Variants in SSBP2 observed in about 807,000 individuals in gnomAD.
SSBP2 encodes single stranded DNA binding protein 2.
In SSBP2, 17 loss-of-function variants were observed where a neutral mutation model predicts 61.8. The observed-to-expected ratio is 0.28, with a 90% CI of 0.19 to 0.41. SSBP2 has a LOEUF of 0.41. SSBP2 is among the 10% of genes least tolerant of loss of function. The pLI, the probability that SSBP2 is intolerant of heterozygous loss-of-function variation, is 1.00. For synonymous variants in SSBP2, 139 were observed against 141.3 expected (o/e 0.98, Z 0.12); for missense variants, 310 against 458.7 (o/e 0.68, Z 2.96).
intron 3 of SSBP2, among the ~76,000 whole-genome samples, chr5:81,631,406 T>C (rs1333058642): frequency 2.6e-5 from 4 of 152,074 alleles, no homozygotes; most frequent in Non-Finnish European, 5.9e-5. Flanking sequence ...GCTTTTGTTT[T>C]TTCCTCTTAA....
chr5:81,646,775 T>G (rs1749313470), intron 2 of SSBP2, among the ~76,000 whole-genome samples: 2 of 149,416 alleles, frequency 1.3e-5, no homozygotes, highest in Admixed American at 1.4e-4. Flanking sequence ...CTGGCATGTA[T>G]GCAAAGGTCT....
rs1371135451 is a variant in SSBP2, at chr5:81,414,103, C to T, written c.*6401G>A. The T allele has an allele frequency of 6.6e-6, 1 of 152,000 alleles. No homozygotes were observed. Among genetic ancestry groups the T allele is most frequent in the Non-Finnish European group, 1.5e-5 (1 of 67,958 alleles). The allele number at this position is 152,000 out of a possible 1,614,324, so 9.4% of individuals were successfully genotyped here. A position where few individuals can be genotyped will look rare whatever the true frequency, so the allele number is the denominator to read the frequency against. ...CACATCTCATTTTAAAAATGAAATG[C>T]TAAATATGTTAGAAACAGATCACAA... On this transcript the variant is annotated 3_prime_UTR_variant, in exon 17 of 17. Coordinates refer to ENST00000320672, the MANE Select transcript of SSBP2 (RefSeq NM_012446.5).
chr5:81,684,953 A>G (rs1752663572), intron 1 of SSBP2, among the ~76,000 whole-genome samples: 1 of 152,080 alleles, frequency 6.6e-6, no homozygotes, highest in South Asian at 2.1e-4. Flanking sequence ...CACAAATCTC[A>G]TGGGGAATTG....
At chr5:81,656,505 T>C (rs951764337) in intron 1 of SSBP2, among the ~76,000 whole-genome samples, 3 of 152,036 alleles carry the variant, frequency 2.0e-5, no homozygotes, top group Non-Finnish European at 4.4e-5. Context: ...GGGGAACAGG[T>C]GGTATTTGGT....
At chr5:81,647,127 CTCT>C (rs1254745833) in intron 2 of SSBP2, among the ~76,000 whole-genome samples, 2 of 152,054 alleles carry the variant, frequency 1.3e-5, no homozygotes, top group African/African-American at 4.8e-5. Flanking sequence ...AATATATTTT[CTCT>C]TCTTTAGTTT....
At chr5:81,443,470 T>C (rs1368471150) in intron 12 of SSBP2, among the ~76,000 whole-genome samples, 1 of 152,212 alleles carries the variant, frequency 6.6e-6, no homozygotes, top group Non-Finnish European at 1.5e-5. Context: ...AAAGGCTAAA[T>C]ATTTTACATT....
At position 81,488,010 on chromosome 5, in the gene SSBP2, AATATATATATATATATATATATATATAT is replaced by A. The variant is rs59039206; in HGVS notation, c.432+1212_432+1239del. ...ATTTCCTTCTTGTTTATGGCCAAAT[AATATATATATATATATATATATATATAT>A]ATATATATATATATATATATAAATA... is the stretch of plus-strand genomic sequence containing the variant. On this transcript the variant is annotated intron_variant, in intron 6 of 16. Transcript: ENST00000320672. 6.8e-3 allele frequency among the ~76,000 whole-genome samples: 265 copies of A among 38,940 alleles called. 26 individuals carry two copies. In the East Asian group the frequency reaches 0.2, roughly 30 times the overall value. 25.5% of individuals were successfully genotyped at this position (38,940 alleles called of 152,430 possible).
At chr5:81,662,526 G>A (rs1170781666) in intron 1 of SSBP2, among the ~76,000 whole-genome samples, 4 of 152,062 alleles carry the variant, frequency 2.6e-5, no homozygotes, top group Admixed American at 6.6e-5. Flanking sequence ...ACTTCTGGCC[G>A]GGTGCATTGG....
intron 4 of SSBP2, among the ~76,000 whole-genome samples, chr5:81,559,241 G>T (rs1772839656): frequency 6.6e-6 from 1 of 152,070 alleles, no homozygotes; most frequent in Admixed American, 6.6e-5. Flanking sequence ...CAAAAAATCA[G>T]CCGGGCGTGG....
At chr5:81,570,556 T>A (rs762032545) in intron 4 of SSBP2, among the ~76,000 whole-genome samples, 1 of 152,182 alleles carries the variant, frequency 6.6e-6, no homozygotes, top group African/African-American at 2.4e-5. Context: ...AGATGCTGTG[T>A]ATGGCTGTTC....
rs952405703 is a variant in SSBP2, at chr5:81,575,703, T to C, written c.282+39770A>G. 2.6e-5 allele frequency among the ~76,000 whole-genome samples: 4 copies of C among 152,136 alleles called. No individual in the cohort carries two copies. In the East Asian group the frequency reaches 5.8e-4, roughly 22 times the overall value. ...TTACATTAAGTAAAAATGAACACTT[T>C]GTTAAAAATAAAAGATTATCAGACT... On this transcript the variant is annotated intron_variant, in intron 4 of 16. Coordinates refer to ENST00000320672, the MANE Select transcript of SSBP2 (RefSeq NM_012446.5).
chr5:81,751,364 C>G (rs956547668), upstream of SSBP2: 1 of 497,336 alleles, frequency 2.0e-6, no homozygotes, highest in South Asian at 2.4e-5. Context: ...CCCTCCGAAC[C>G]CGGGCGCAAG....
intron 14 of SSBP2, among the ~76,000 whole-genome samples, chr5:81,439,031 A>G (rs1385681451): frequency 6.6e-6 from 1 of 152,232 alleles, no homozygotes; most frequent in East Asian, 1.9e-4. Flanking sequence ...AAGACTTTGC[A>G]ATCTAGGCAA....
intron 4 of SSBP2, among the ~76,000 whole-genome samples, chr5:81,582,430 T>C (rs988843341): frequency 6.6e-6 from 1 of 152,154 alleles, no homozygotes; most frequent in African/African-American, 2.4e-5. Context: ...ACCTAATGCA[T>C]ATGTACTCAA....
intron 4 of SSBP2, among the ~76,000 whole-genome samples, chr5:81,546,391 T>C (rs1021248518): frequency 2.6e-5 from 4 of 152,176 alleles, no homozygotes; most frequent in Admixed American, 6.5e-5. Context: ...TCTTTACTGA[T>C]ATAGGAGTCA....
At chr5:81,667,470 C>T (rs1751244438) in intron 1 of SSBP2, among the ~76,000 whole-genome samples, 1 of 152,186 alleles carries the variant, frequency 6.6e-6, no homozygotes, top group Non-Finnish European at 1.5e-5. Flanking sequence ...CCAGTGGGTT[C>T]ATACAGAGGC....
At chr5:81,546,763 A>G (rs1771757686) in intron 4 of SSBP2, among the ~76,000 whole-genome samples, 1 of 152,128 alleles carries the variant, frequency 6.6e-6, no homozygotes, top group African/African-American at 2.4e-5. Context: ...GGAGAACAGA[A>G]AAGTCAGTGA....
chr5:81,732,658 T>C (rs1459003815), intron 1 of SSBP2, among the ~76,000 whole-genome samples: 4 of 152,258 alleles, frequency 2.6e-5, no homozygotes, highest in Admixed American at 6.5e-5. Context: ...GCAATCTGAA[T>C]GTTGCTTTTA....
chr5:81,751,123 C>A, upstream of SSBP2: 1 of 1,442,374 alleles, frequency 6.9e-7, no homozygotes, highest in South Asian at 1.2e-5. Flanking sequence ...GTCCCCATGG[C>A]GACCCACGCA....
Sources: gnomAD v4.1 joint callset for allele counts (sites outside exome capture counted in the v4.1 genomes callset) on GRCh38, gnomAD v4.1.1 for gene constraint, MANE v1.5 for transcripts, NCBI Gene and HGNC (gene_info 2026-07-23, HGNC 2026-07-21) for gene names.